PLCE1: variants seen among roughly 807,000 people sequenced by gnomAD.
PLCE1 encodes the protein 1-phosphatidylinositol 4,5-bisphosphate phosphodiesterase epsilon-1.
PLCE1 carries 119 observed loss-of-function variants against 242.8 expected under a neutral mutation model. The observed-to-expected ratio is 0.49, with a 90% CI of 0.42 to 0.57. The LOEUF (loss-of-function observed/expected upper bound fraction) is 0.57, where lower values mean the gene tolerates loss of function less well. PLCE1 is among the 20% of genes least tolerant of loss of function. The probability of loss-of-function intolerance (pLI) is 0.00; values close to 1 mark genes in which losing one functional copy is unlikely to be tolerated. For missense variants in PLCE1, 2,441 were observed against 2,788.8 expected (o/e 0.88, Z 2.81); for synonymous variants, 945 against 1,017.4 (o/e 0.93, Z 1.35).
Position 94,236,036 on chromosome 10 carries a change from G to A in PLCE1, c.2336G>A (p.Arg779Gln), listed in dbSNP as rs750319129. 8.1e-6 allele frequency: 13 copies of A among 1,613,966 alleles called. No individual in the cohort carries two copies. Among genetic ancestry groups the A allele is most frequent in the South Asian group, 2.2e-5 (2 of 91,088 alleles). Reference sequence around the variant, plus strand: ...TTTCAGGTCATCCGGAGCTGCAATCGAAGTCTGGAGACAGACGAGGAGGAC... The same window carrying A: ...TTTCAGGTCATCCGGAGCTGCAATCAAAGTCTGGAGACAGACGAGGAGGAC... ...SIFQVIRSCN[R>Q]SLETDEEDSP... is the part of the protein sequence containing the mutation. The change falls in exon 7 of 33, where the codon CGA (arginine) becomes CAA (glutamine). Residue 779 changes from arginine (R) to glutamine (Q), a missense_variant. Around this residue, in one of 5 missense-constraint regions of PLCE1, gnomAD observed 733 missense variants for 754.2 expected, o/e 0.97. Coordinates refer to ENST00000371380, the MANE Select transcript of PLCE1 (RefSeq NM_016341.4).
intron 2 of PLCE1, among the ~76,000 whole-genome samples, chr10:94,058,569 A>G (rs138946245): frequency 7.2e-5 from 11 of 152,302 alleles, no homozygotes; most frequent in Middle Eastern, 3.4e-3. Flanking sequence ...GCTGTGGGCA[A>G]TGCTGACTTA....
Position 94,089,257 on chromosome 10 carries a change from C to T in PLCE1, c.1207-42917C>T, listed in dbSNP as rs543482259. On this transcript the variant is annotated intron_variant, in intron 2 of 32. Transcript: ENST00000371380. The stretch of plus-strand genomic sequence containing the variant: ...CCAGGAGAGGGAAGCAGGCTGTCAG[C>T]TGTGGCTTTGCACGCTCTCAGCTGT... 4 of 1,614,066 alleles carry T rather than the reference C, an allele frequency of 2.5e-6. No individual in the cohort carries two copies. The African/African-American group carries it at 4.0e-5, about 16-fold the overall frequency.
chr10:94,277,233 CA>C (rs1263830740), intron 19 of PLCE1, among the ~76,000 whole-genome samples: 1 of 152,060 alleles, frequency 6.6e-6, no homozygotes, highest in Non-Finnish European at 1.5e-5. Flanking sequence ...AATTTGAACC[CA>C]AAAAACTCAG....
Position 94,306,447 on chromosome 10 carries a change from G to A in PLCE1, c.5643G>A (p.Val1881=), listed in dbSNP as rs1323509791. 2 of 1,613,996 alleles carry A rather than the reference G, an allele frequency of 1.2e-6. No individual in the cohort carries two copies. The highest frequency in any genetic ancestry group is 2.2e-5 in the East Asian group (1 of 44,886). The part of the protein sequence containing the change: ...YSLTIVSGQN[V]CPSNSMGSPC... ...CCTAGATTGTCTCTGGTCAGAATGTGTGCCCCAGTAATAGCATGGGAAGCC... is the reference window on the plus strand; with the variant it reads ...CCTAGATTGTCTCTGGTCAGAATGTATGCCCCAGTAATAGCATGGGAAGCC... The change falls in exon 26 of 33, where the codon GTG becomes GTA. Residue 1881 remains valine, a synonymous_variant. Coordinates refer to ENST00000371380, the MANE Select transcript of PLCE1 (RefSeq NM_016341.4). The surrounding 1 kb of genome is among the most constrained non-coding windows in gnomAD (Gnocchi z 5.7).
At chr10:94,054,876 G>A (rs757940611) in intron 2 of PLCE1, among the ~76,000 whole-genome samples, 6 of 152,088 alleles carry the variant, frequency 3.9e-5, no homozygotes, top group Admixed American at 6.5e-5. Flanking sequence ...GCTGGACGTG[G>A]TGGTGGGTGC....
chr10:94,005,574 C>T (rs896369345), intron 1 of PLCE1, among the ~76,000 whole-genome samples: 4 of 152,204 alleles, frequency 2.6e-5, no homozygotes, highest in African/African-American at 7.2e-5. Flanking sequence ...TGCACCTTTA[C>T]ACCAATGATT....
intron 4 of PLCE1, among the ~76,000 whole-genome samples, chr10:94,222,084 G>A (rs1450255813): frequency 4.6e-5 from 7 of 152,156 alleles, no homozygotes; most frequent in Admixed American, 3.3e-4. Context: ...CTCCATGCTG[G>A]AAATGTGGGA....
chr10:94,329,007 A>ATACT lies in PLCE1; in HGVS notation c.*1067_*1070dup, dbSNP rs2054125625. The ATACT allele has an allele frequency of 1.3e-5, 2 of 152,294 alleles. No homozygotes were observed. Among genetic ancestry groups the ATACT allele is most frequent in the Middle Eastern group, 3.4e-3 (1 of 294 alleles). The allele number at this position is 152,294 out of a possible 1,614,324, so 9.4% of individuals were successfully genotyped here. On this transcript the variant is annotated 3_prime_UTR_variant, in exon 33 of 33. Coordinates refer to ENST00000371380, the MANE Select transcript of PLCE1 (RefSeq NM_016341.4). ...ATTTTGCAAGGTTTGTACTGACACT[A>ATACT]TACTTATATATTTATTATACATCGC...
At chr10:94,076,132 C>CGTGTGTGTGT (rs747481933) in intron 2 of PLCE1, among the ~76,000 whole-genome samples, 4 of 147,030 alleles carry the variant, frequency 2.7e-5, no homozygotes, top group Non-Finnish European at 4.5e-5. Flanking sequence ...TGTGTGCGTG[C>CGTGTGTGTGT]GTGTGTGTGT....
intron 1 of PLCE1, among the ~76,000 whole-genome samples, chr10:94,001,620 A>G (rs1162670799): frequency 2.0e-5 from 3 of 152,260 alleles, no homozygotes; most frequent in African/African-American, 7.2e-5. Context: ...GCCTGTGACC[A>G]AGTACATGCT....
intron 2 of PLCE1, among the ~76,000 whole-genome samples, chr10:94,115,227 T>A (rs1340426687): frequency 1.3e-5 from 2 of 152,206 alleles, no homozygotes; most frequent in Non-Finnish European, 2.9e-5. Flanking sequence ...GCAATAAACA[T>A]ACGTGTGCAT....
intron 4 of PLCE1, among the ~76,000 whole-genome samples, chr10:94,198,073 C>T (rs1387024813): frequency 7.1e-6 from 1 of 139,924 alleles, no homozygotes; most frequent in Non-Finnish European, 1.6e-5. Flanking sequence ...CACCCCCCAC[C>T]AAAAAAAAAA....
At chr10:94,296,927 G>T (rs528008408) in intron 23 of PLCE1, among the ~76,000 whole-genome samples, 1 of 151,636 alleles carries the variant, frequency 6.6e-6, no homozygotes, top group East Asian at 1.9e-4. Flanking sequence ...AGGCTGGAGT[G>T]CAGTGGCGCG....
chr10:94,009,378 T>G (rs928531665), intron 1 of PLCE1, among the ~76,000 whole-genome samples: 2 of 152,150 alleles, frequency 1.3e-5, no homozygotes, highest in Admixed American at 6.5e-5. Flanking sequence ...CACCTTCCAC[T>G]AGGTCCCACC....
Position 94,324,450 on chromosome 10 carries a change from G to A in PLCE1, c.6603G>A (p.Lys2201=). The part of the protein sequence containing the change: ...EEVVKDTTNK[K]TTTPKSSQRV... ...TGGTGAAAGACACTACCAACAAGAA[G>A]ACTACCACACCAAAGTCCTCTCAGC... is the stretch of plus-strand genomic sequence containing the variant. The change falls in exon 31 of 33, where the codon AAG becomes AAA. Residue 2201 remains lysine, a synonymous_variant. Coordinates refer to ENST00000371380, the MANE Select transcript of PLCE1 (RefSeq NM_016341.4). The A allele has an allele frequency of 6.2e-7, 1 of 1,614,162 alleles. No individual in the cohort carries two copies. The highest frequency in any genetic ancestry group is 8.5e-7 in the Non-Finnish European group (1 of 1,180,008).
intron 1 of PLCE1, among the ~76,000 whole-genome samples, chr10:94,006,619 A>G (rs921740424): frequency 5.3e-5 from 8 of 152,132 alleles, no homozygotes; most frequent in Non-Finnish European, 8.8e-5. Context: ...GTTTTTTTTA[A>G]AATTTACTTT....
chr10:94,025,699 A>G (rs1484782195), intron 1 of PLCE1, among the ~76,000 whole-genome samples: 3 of 152,158 alleles, frequency 2.0e-5, no homozygotes, highest in African/African-American at 4.8e-5. Flanking sequence ...AGACGGATCC[A>G]AAGCTTACCT....
At chr10:94,261,179 G>A (rs1256438453) in intron 13 of PLCE1, among the ~76,000 whole-genome samples, 1 of 152,082 alleles carries the variant, frequency 6.6e-6, no homozygotes, top group Non-Finnish European at 1.5e-5. Flanking sequence ...ATCCCTGGCA[G>A]CCACTGCTCT....
intron 4 of PLCE1, among the ~76,000 whole-genome samples, chr10:94,181,417 C>CA (rs1023301708): frequency 2.7e-5 from 4 of 150,144 alleles, no homozygotes; most frequent in East Asian, 2.0e-4. Flanking sequence ...CTAAAAAATA[C>CA]AAAAAAAAAT....
Sources: allele counts gnomAD v4.1 joint callset (sites outside exome capture counted in the v4.1 genomes callset), GRCh38; gene constraint gnomAD v4.1.1; regional missense constraint gnomAD v4.1.1; non-coding constraint Gnocchi (gnomAD v3.1); transcripts MANE v1.5; gene names NCBI Gene and HGNC (gene_info 2026-07-23, HGNC 2026-07-21).